VPS53: variants seen among roughly 807,000 people sequenced by gnomAD.
VPS53 encodes the protein VPS53 subunit of GARP complex, also known as vacuolar protein sorting-associated protein 53 homolog.
VPS53 carries 70 observed loss-of-function variants against 107.0 expected under a neutral mutation model. The observed-to-expected ratio is 0.65, with a 90% confidence interval of 0.54 to 0.80. The LOEUF is 0.80. VPS53 is among the 30% of genes least tolerant of loss of function. VPS53 has a pLI of 0.00. For missense variants in VPS53, 917 were observed against 1,049.4 expected (o/e 0.87, Z 1.74); for synonymous variants, 409 against 393.3 (o/e 1.04, Z -0.47).
intron 12 of VPS53, among the ~76,000 whole-genome samples, chr17:589,505 G>T (rs1480007853): frequency 6.6e-6 from 1 of 152,026 alleles, no homozygotes. Context: ...GGGGGGGAGT[G>T]GGGAGGAAAT....
At chr17:547,951 A>G (rs1201549395) in intron 17 of VPS53, among the ~76,000 whole-genome samples, 1 of 152,204 alleles carries the variant, frequency 6.6e-6, no homozygotes, top group African/African-American at 2.4e-5. Context: ...TCTGTGGTAT[A>G]TGAATTATAC....
intron 13 of VPS53, among the ~76,000 whole-genome samples, chr17:565,729 C>T (rs957966275): frequency 1.3e-5 from 2 of 152,180 alleles, no homozygotes; most frequent in East Asian, 3.9e-4. Flanking sequence ...GGCTCCCCTG[C>T]TGGCCTACTC....
intron 13 of VPS53, among the ~76,000 whole-genome samples, chr17:584,786 A>G (rs1377903700): frequency 6.6e-6 from 1 of 152,208 alleles, no homozygotes; most frequent in African/African-American, 2.4e-5. Context: ...TTGGCCTCCC[A>G]AAGTGCTGGG....
At chr17:556,256 G>A (rs889743968) in intron 15 of VPS53, among the ~76,000 whole-genome samples, 1 of 152,004 alleles carries the variant, frequency 6.6e-6, no homozygotes, top group Non-Finnish European at 1.5e-5. Context: ...CTCCAGCCTG[G>A]GCAACAGATT....
At chr17:656,825 TTG>T in intron 5 of VPS53, 1 of 1,582,814 alleles carries the variant, frequency 6.3e-7, no homozygotes, top group South Asian at 1.1e-5. Context: ...CGCCAGTCTC[TTG>T]TCTCTCTCTT....
In VPS53 at chr17:514,864, A is replaced by G. The variant is rs2043197229; in HGVS notation, c.*4264T>C. On this transcript the variant is annotated 3_prime_UTR_variant, in exon 22 of 22. Transcript: ENST00000437048. ...CTCGGGGGTGGGCAGAGCCCTGGGT[A>G]CTGGCTCTTTGTTCTTCGAGAGAGG... 6.6e-6 allele frequency: 1 copy of G among 152,290 alleles called. No individual in the cohort carries two copies. Among genetic ancestry groups the G allele is most frequent in the Non-Finnish European group, 1.5e-5 (1 of 68,116 alleles). 9.4% of individuals were successfully genotyped at this position (152,290 alleles called of 1,614,324 possible).
chr17:682,594 G>A (rs1418530679), intron 4 of VPS53, among the ~76,000 whole-genome samples: 1 of 152,188 alleles, frequency 6.6e-6, no homozygotes, highest in Non-Finnish European at 1.5e-5. Flanking sequence ...AGGGAGGCCT[G>A]GAAAGTGTAA....
In VPS53 at chr17:514,658, C is replaced by G. The variant is rs1398209312; in HGVS notation, c.*4470G>C. Reference sequence around the variant, plus strand: ...ATTCTTTCAACAGGGAACCAGGTCTCCTCATCCGATGGCAATTCAGGAAGG... The same window carrying G: ...ATTCTTTCAACAGGGAACCAGGTCTGCTCATCCGATGGCAATTCAGGAAGG... On this transcript the variant is annotated 3_prime_UTR_variant, in exon 22 of 22. Transcript: ENST00000437048. 1 of 152,712 alleles carries G rather than the reference C, an allele frequency of 6.5e-6. No individual in the cohort carries two copies. Among genetic ancestry groups the G allele is most frequent in the Non-Finnish European group, 1.5e-5 (1 of 68,430 alleles). The allele number at this position is 152,712 out of a possible 1,614,324, so 9.5% of individuals were successfully genotyped here.
At chr17:687,796 C>G (rs1167461024) in intron 4 of VPS53, among the ~76,000 whole-genome samples, 1 of 152,050 alleles carries the variant, frequency 6.6e-6, no homozygotes. Flanking sequence ...TCTAATCCCC[C>G]CTAACCCTGA....
chr17:516,293 A>G lies in VPS53; in HGVS notation c.*2835T>C, dbSNP rs775436930. ...TGGTTCTTAACAAGGTGTAAACGTT[A>G]TAACTACCTATGGAACTTTTAAACC... On this transcript the variant is annotated 3_prime_UTR_variant, in exon 22 of 22. Transcript: ENST00000437048. The G allele has an allele frequency of 1.3e-5, 2 of 152,166 alleles. No individual in the cohort carries two copies. Among genetic ancestry groups the G allele is most frequent in the Admixed American group, 6.6e-5 (1 of 15,256 alleles). 9.4% of individuals were successfully genotyped at this position (152,166 alleles called of 1,614,324 possible).
intron 7 of VPS53, among the ~76,000 whole-genome samples, chr17:636,639 T>G (rs1970208707): frequency 6.6e-6 from 1 of 152,228 alleles, no homozygotes; most frequent in Non-Finnish European, 1.5e-5. Flanking sequence ...GCTGTTGAAT[T>G]TTGTCAAAGG....
chr17:647,112 A>G (rs1970743817), intron 7 of VPS53, among the ~76,000 whole-genome samples: 1 of 152,218 alleles, frequency 6.6e-6, no homozygotes, highest in South Asian at 2.1e-4. Flanking sequence ...AAACTCCATG[A>G]GACTCCCTCT....
intron 4 of VPS53, among the ~76,000 whole-genome samples, chr17:686,264 G>C (rs370581420): frequency 2.6e-5 from 4 of 152,038 alleles, no homozygotes; most frequent in African/African-American, 7.3e-5. Context: ...AGGCTAGAGT[G>C]AGCTACGATC....
chr17:608,189 C>T (rs1968671838), intron 11 of VPS53, among the ~76,000 whole-genome samples: 1 of 152,196 alleles, frequency 6.6e-6, no homozygotes, highest in Non-Finnish European at 1.5e-5. Flanking sequence ...ATTTCTGGGG[C>T]TACTCTCTTG....
chr17:683,787 C>G (rs1323282475), intron 4 of VPS53, among the ~76,000 whole-genome samples: 1 of 152,186 alleles, frequency 6.6e-6, no homozygotes, highest in African/African-American at 2.4e-5. Flanking sequence ...TCACTTGAGC[C>G]AAGGAGTTTG....
intron 10 of VPS53, 134 bp downstream of exon 10, chr17:627,040 G>A (rs1969742324): frequency 5.8e-6 from 7 of 1,197,054 alleles, no homozygotes; most frequent in Admixed American, 3.0e-5. Flanking sequence ...TGTGGGGTAC[G>A]AGGATGATAT....
chr17:607,983 GA>G (rs1968664587), intron 11 of VPS53, among the ~76,000 whole-genome samples: 1 of 152,176 alleles, frequency 6.6e-6, no homozygotes, highest in Non-Finnish European at 1.5e-5. Flanking sequence ...AAGGAACTCT[GA>G]AATTTAAGAC....
intron 17 of VPS53, among the ~76,000 whole-genome samples, chr17:545,415 T>G (rs1341707363): frequency 1.3e-5 from 2 of 152,126 alleles, no homozygotes; most frequent in Non-Finnish European, 1.5e-5. Context: ...TGCTATCAGG[T>G]GCCATTGAGG....
intron 4 of VPS53, among the ~76,000 whole-genome samples, chr17:672,973 G>T (rs909493098): frequency 7.2e-5 from 11 of 152,044 alleles, no homozygotes; most frequent in Middle Eastern, 6.8e-3. Flanking sequence ...TTAACCGGGC[G>T]TGGTGGCGGG....
Sources: allele counts gnomAD v4.1 joint callset (sites outside exome capture counted in the v4.1 genomes callset), GRCh38; gene constraint gnomAD v4.1.1; transcripts MANE v1.5; gene names NCBI Gene and HGNC (gene_info 2026-07-23, HGNC 2026-07-21).